Variants in SPPL3 observed in about 807,000 individuals in gnomAD.
The protein encoded by SPPL3 is signal peptide peptidase-like 3.
A neutral mutation model predicts 42.4 loss-of-function variants in SPPL3; 5 were observed. That is an observed-to-expected ratio of 0.12 (90% CI 0.06 to 0.25). The LOEUF is 0.25. Ranked by LOEUF, SPPL3 falls within the 10% of genes least tolerant of loss-of-function variation. The pLI, the probability that SPPL3 is intolerant of heterozygous loss-of-function variation, is 1.00. For missense variants in SPPL3, 235 were observed against 489.0 expected, an observed-to-expected ratio of 0.48 and a Z score of 4.90; for synonymous variants, 195 against 181.8, an observed-to-expected ratio of 1.07 and a Z score of -0.58.
chr12:120,787,334 C>G (rs1307720977), intron 3 of SPPL3, among the ~76,000 whole-genome samples: 1 of 152,114 alleles, frequency 6.6e-6, no homozygotes, highest in Non-Finnish European at 1.5e-5. Flanking sequence ...TTTAAGATGT[C>G]AGATAATTGG....
intron 1 of SPPL3, among the ~76,000 whole-genome samples, chr12:120,814,222 T>C (rs1870789618): frequency 6.6e-6 from 1 of 152,216 alleles, no homozygotes; most frequent in Non-Finnish European, 1.5e-5. Flanking sequence ...TAGAGGCAGA[T>C]GAATACAAGA....
chr12:120,776,994 G>A (rs758379780), intron 6 of SPPL3, among the ~76,000 whole-genome samples: 1 of 152,124 alleles, frequency 6.6e-6, no homozygotes, highest in Non-Finnish European at 1.5e-5. Context: ...TGCTTTCATT[G>A]TCTCATTCCA....
intron 2 of SPPL3, among the ~76,000 whole-genome samples, chr12:120,802,087 C>G (rs1037060716): frequency 1.3e-5 from 2 of 151,996 alleles, no homozygotes; most frequent in African/African-American, 4.8e-5. Context: ...AGGAACAGAA[C>G]TTTAGGAAAT....
At chr12:120,792,789 A>T (rs1280995689) in intron 2 of SPPL3, among the ~76,000 whole-genome samples, 1 of 152,038 alleles carries the variant, frequency 6.6e-6, no homozygotes, top group Non-Finnish European at 1.5e-5. Context: ...TGTGGACATC[A>T]GCCACATCAT....
chr12:120,877,046 A>G (rs1873125149), intron 1 of SPPL3, among the ~76,000 whole-genome samples: 2 of 152,170 alleles, frequency 1.3e-5, no homozygotes, highest in Admixed American at 1.3e-4. Flanking sequence ...GACGTTACAA[A>G]CATTTAAAAG....
At chr12:120,889,374 CG>C (rs2137064211) in intron 1 of SPPL3, among the ~76,000 whole-genome samples, 1 of 152,310 alleles carries the variant, frequency 6.6e-6, no homozygotes, top group East Asian at 1.9e-4. Context: ...CACTAATGGG[CG>C]TAAGATTTAT....
intron 1 of SPPL3, among the ~76,000 whole-genome samples, chr12:120,859,817 C>A (rs1872574927): frequency 6.6e-6 from 1 of 152,142 alleles, no homozygotes; most frequent in South Asian, 2.1e-4. Flanking sequence ...GTGGTGCGCA[C>A]CTGTACTCCC....
At chr12:120,878,826 C>T (rs1033133308) in intron 1 of SPPL3, among the ~76,000 whole-genome samples, 2 of 151,910 alleles carry the variant, frequency 1.3e-5, no homozygotes, top group Admixed American at 6.6e-5. Context: ...AAGAATAAGA[C>T]GATAAGGCCG....
intron 1 of SPPL3, among the ~76,000 whole-genome samples, chr12:120,890,433 C>CA (rs1873597310): frequency 6.6e-6 from 1 of 150,676 alleles, no homozygotes; most frequent in Non-Finnish European, 1.5e-5. Context: ...ACTAAAAATA[C>CA]AAAAAATTAG....
intron 1 of SPPL3, among the ~76,000 whole-genome samples, chr12:120,881,947 T>C (rs747419477): frequency 3.6e-4 from 54 of 152,034 alleles, no homozygotes; most frequent in Non-Finnish European, 6.8e-4. Flanking sequence ...ATGGGTACAG[T>C]AGTTCCGATT....
At chr12:120,784,020 G>A (rs187099990) in intron 4 of SPPL3, among the ~76,000 whole-genome samples, 6 of 152,180 alleles carry the variant, frequency 3.9e-5, no homozygotes, top group Non-Finnish European at 7.4e-5. Context: ...GCATTTTGCC[G>A]ATTTTTTTTT....
At chr12:120,833,221 C>T (rs1052733837) in intron 1 of SPPL3, among the ~76,000 whole-genome samples, 7 of 152,028 alleles carry the variant, frequency 4.6e-5, no homozygotes, top group East Asian at 1.9e-4. Context: ...ACAATAAGAA[C>T]GATGGCATAA....
At chr12:120,847,553 C>G (rs1272992314) in intron 1 of SPPL3, among the ~76,000 whole-genome samples, 1 of 151,968 alleles carries the variant, frequency 6.6e-6, no homozygotes, top group East Asian at 1.9e-4. Flanking sequence ...CTTGGCCTCC[C>G]GAGGTGCTGG....
chr12:120,858,899 T>C (rs1167949032), intron 1 of SPPL3, among the ~76,000 whole-genome samples: 2 of 152,194 alleles, frequency 1.3e-5, no homozygotes, highest in Non-Finnish European at 2.9e-5. Flanking sequence ...GAAGTGAAAC[T>C]GCAGGGTCAC....
chr12:120,764,811 A>G lies in SPPL3; in HGVS notation c.*188T>C. 1.7e-6 allele frequency: 1 copy of G among 599,270 alleles called. No homozygotes were observed. Among genetic ancestry groups the G allele is most frequent in the South Asian group, 2.8e-5 (1 of 35,230 alleles). The allele number at this position is 599,270 out of a possible 1,614,324, so 37.1% of individuals were successfully genotyped here. A position where few individuals can be genotyped will look rare whatever the true frequency, so the allele number is the denominator to read the frequency against. On this transcript the variant is annotated 3_prime_UTR_variant, in exon 11 of 11. Transcript: ENST00000353487. The stretch of plus-strand genomic sequence containing the variant: ...CCACCTCTACATCCGCAGGAAGAGA[A>G]GGAACCAAACAGGGCTCCAGCACCT...
intron 1 of SPPL3, among the ~76,000 whole-genome samples, chr12:120,876,543 G>C (rs1479653804): frequency 2.0e-5 from 3 of 147,722 alleles, no homozygotes; most frequent in Non-Finnish European, 4.5e-5. Flanking sequence ...CGTGAACCTG[G>C]GAGGCAGAGC....
intron 1 of SPPL3, among the ~76,000 whole-genome samples, chr12:120,832,428 T>C (rs1397145473): frequency 1.3e-5 from 2 of 152,104 alleles, no homozygotes; most frequent in African/African-American, 4.8e-5. Context: ...TCCCAGCACT[T>C]TGGGAGGCCA....
chr12:120,799,966 A>G (rs1870232571), intron 2 of SPPL3, among the ~76,000 whole-genome samples: 1 of 152,166 alleles, frequency 6.6e-6, no homozygotes, highest in African/African-American at 2.4e-5. Context: ...ACTATTTTCA[A>G]TTATAGGCCT....
intron 1 of SPPL3, chr12:120,811,146 C>T (rs1428411521): frequency 3.4e-6 from 1 of 295,328 alleles, no homozygotes; most frequent in Non-Finnish European, 6.2e-6. Context: ...AATCCCATCT[C>T]TGTATATGTT....
Sources: allele counts gnomAD v4.1 joint callset (sites outside exome capture counted in the v4.1 genomes callset), GRCh38; gene constraint gnomAD v4.1.1; transcripts MANE v1.5; gene names NCBI Gene and HGNC (gene_info 2026-07-23, HGNC 2026-07-21).